The following CDH1 variants were observed in gnomAD, a reference collection of about 807,000 sequenced individuals.
CDH1 encodes the protein cadherin-1.
A neutral mutation model predicts 84.5 loss-of-function variants in CDH1; 35 were observed. The ratio of observed to expected loss-of-function variants is 0.41; its 90% CI spans 0.32 to 0.55. CDH1 has a LOEUF of 0.55. CDH1 is among the 20% of genes least tolerant of loss of function. The pLI is 0.19. For missense variants in CDH1, 994 were observed against 1,126.6 expected (o/e 0.88, Z 1.68); for synonymous variants, 417 against 439.0 (o/e 0.95, Z 0.63).
chr16:68,737,982 C>T (rs1962444879), intron 1 of CDH1, among the ~76,000 whole-genome samples: 1 of 152,138 alleles, frequency 6.6e-6, no homozygotes. Flanking sequence ...GGTGCATTCC[C>T]GGTCTAAGGA....
intron 10 of CDH1, 128 bp from the exon 11 acceptor site, chr16:68,819,152 G>C (rs781543245): frequency 1.9e-6 from 2 of 1,041,112 alleles, no homozygotes; most frequent in African/African-American, 1.6e-5. Context: ...CACCGCGACC[G>C]GCCTATTGTT....
intron 2 of CDH1, among the ~76,000 whole-genome samples, chr16:68,799,905 C>T (rs949951139): frequency 1.3e-5 from 2 of 151,684 alleles, no homozygotes; most frequent in African/African-American, 2.4e-5. Context: ...CCCAGCTACT[C>T]GGGAGGCTGA....
At chr16:68,785,531 T>C (rs1208904563) in intron 2 of CDH1, among the ~76,000 whole-genome samples, 3 of 152,166 alleles carry the variant, frequency 2.0e-5, no homozygotes, top group Non-Finnish European at 4.4e-5. Context: ...TGGAGTGCTG[T>C]TGTGCAGTCG....
At position 68,833,860 on chromosome 16, in the gene CDH1, G is replaced by T; in HGVS notation, c.*361G>T. The T allele has an allele frequency of 2.6e-6, 1 of 384,042 alleles. No individual in the cohort carries two copies. Among genetic ancestry groups the T allele is most frequent in the Non-Finnish European group, 4.8e-6 (1 of 208,780 alleles). 23.8% of individuals were successfully genotyped at this position (384,042 alleles called of 1,614,324 possible). A position where few individuals can be genotyped will look rare whatever the true frequency, so the allele number is the denominator to read the frequency against. On this transcript the variant is annotated 3_prime_UTR_variant, in exon 16 of 16. Transcript: ENST00000261769. ...ATTTTGTCTCACTTTTAAAAAGAAGGGGAGAAGTCAGCTACTCTAGTTCTG... is the reference window on the plus strand; with the variant it reads ...ATTTTGTCTCACTTTTAAAAAGAAGTGGAGAAGTCAGCTACTCTAGTTCTG...
chr16:68,760,266 ATTTTTT>A (rs11396600), intron 2 of CDH1, among the ~76,000 whole-genome samples: 21 of 97,986 alleles, frequency 2.1e-4, no homozygotes, highest in Non-Finnish European at 3.7e-4. Flanking sequence ...CGCCCAGCTA[ATTTTTT>A]TTTTTTTTTT....
At chr16:68,762,938 A>G (rs1012995818) in intron 2 of CDH1, among the ~76,000 whole-genome samples, 2 of 135,204 alleles carry the variant, frequency 1.5e-5, no homozygotes, top group African/African-American at 5.5e-5. Context: ...AAAAAAAAAA[A>G]AAAAAGCCCC....
chr16:68,807,259 A>G (rs1012605030), intron 3 of CDH1, among the ~76,000 whole-genome samples: 1 of 152,244 alleles, frequency 6.6e-6, no homozygotes, highest in Admixed American at 6.5e-5. Flanking sequence ...CCATATAGAC[A>G]TAATGATACA....
At position 68,754,440 on chromosome 16, in the gene CDH1, A is replaced by C. The variant is rs1401268380; in HGVS notation, c.163+16029A>C. Among the ~76,000 whole-genome samples, 4 of 152,118 alleles carry C rather than the reference A, an allele frequency of 2.6e-5. No individual in the cohort carries two copies. The South Asian group carries it at 8.3e-4, about 32-fold the overall frequency. On this transcript the variant is annotated intron_variant, in intron 2 of 15. Transcript: ENST00000261769. Reference sequence around the variant, plus strand: ...AAAAAAGAAAAGTATTTGTTGTTGTACTCTGTATTGTGATCATAAGCAACA... The same window carrying C: ...AAAAAAGAAAAGTATTTGTTGTTGTCCTCTGTATTGTGATCATAAGCAACA...
At chr16:68,789,887 C>T (rs970613246) in intron 2 of CDH1, among the ~76,000 whole-genome samples, 5 of 152,046 alleles carry the variant, frequency 3.3e-5, no homozygotes, top group Non-Finnish European at 7.4e-5. Flanking sequence ...TGGAGAAACC[C>T]CATCTCTAAA....
At chr16:68,747,920 C>T (rs1962785197) in intron 2 of CDH1, among the ~76,000 whole-genome samples, 1 of 151,852 alleles carries the variant, frequency 6.6e-6, no homozygotes, top group South Asian at 2.1e-4. Flanking sequence ...CATGCCAACA[C>T]ACCCGGCTAA....
At chr16:68,793,476 A>T (rs1432870085) in intron 2 of CDH1, among the ~76,000 whole-genome samples, 1 of 152,148 alleles carries the variant, frequency 6.6e-6, no homozygotes, top group Non-Finnish European at 1.5e-5. Context: ...TGAATGGCTC[A>T]TCAGTACTAA....
intron 2 of CDH1, among the ~76,000 whole-genome samples, chr16:68,748,262 T>C (rs548924112): frequency 1.3e-5 from 2 of 151,804 alleles, no homozygotes; most frequent in African/African-American, 4.8e-5. Flanking sequence ...ACAGGCATGC[T>C]ACACCACACC....
intron 10 of CDH1, 38 bp downstream of exon 10, chr16:68,815,797 G>C (rs759698856): frequency 1.9e-6 from 3 of 1,610,740 alleles, no homozygotes; most frequent in South Asian, 2.2e-5. Flanking sequence ...TGCAGCAACT[G>C]GTTATTTTAT....
At chr16:68,771,452 A>G (rs1959569756) in intron 2 of CDH1, among the ~76,000 whole-genome samples, 1 of 151,984 alleles carries the variant, frequency 6.6e-6, no homozygotes, top group South Asian at 2.1e-4. Context: ...ATACCTGGCT[A>G]ATTTAAAAAA....
At chr16:68,813,579 A>C in intron 9 of CDH1, 84 bp downstream of exon 9, 1 of 1,398,068 alleles carries the variant, frequency 7.2e-7, no homozygotes, top group Non-Finnish European at 1.0e-6. Context: ...TCTTAGAAGT[A>C]GATTCGCTTT....
chr16:68,810,502 G>A (rs1960792027), intron 6 of CDH1, among the ~76,000 whole-genome samples, 161 bp downstream of exon 6: 1 of 152,110 alleles, frequency 6.6e-6, no homozygotes, highest in Admixed American at 6.6e-5. Flanking sequence ...GTGTGTAACA[G>A]TCTACCTGTG....
chr16:68,776,197 G>A (rs1452744638), intron 2 of CDH1, among the ~76,000 whole-genome samples: 1 of 152,166 alleles, frequency 6.6e-6, no homozygotes, highest in Non-Finnish European at 1.5e-5. Context: ...ATCTTGACCA[G>A]GCTGGTCTCA....
intron 2 of CDH1, among the ~76,000 whole-genome samples, chr16:68,769,760 T>C (rs1959500083): frequency 6.6e-6 from 1 of 151,690 alleles, no homozygotes; most frequent in Non-Finnish European, 1.5e-5. Context: ...AGACCCCATC[T>C]CTACAAAAGA....
At chr16:68,811,627 T>G (rs111853286) in intron 6 of CDH1, 57 bp from the exon 7 acceptor site, 7 of 1,496,462 alleles carry the variant, frequency 4.7e-6, no homozygotes, top group Middle Eastern at 3.4e-4. Context: ...TTAAGCAGTA[T>G]TGACCCAGTC....
Sources: gnomAD v4.1 joint callset for allele counts (sites outside exome capture counted in the v4.1 genomes callset) on GRCh38, gnomAD v4.1.1 for gene constraint, MANE v1.5 for transcripts, NCBI Gene and HGNC (gene_info 2026-07-23, HGNC 2026-07-21) for gene names.